Variants in SYNE1 observed in about 807,000 individuals in gnomAD.
SYNE1 encodes the protein spectrin repeat containing nuclear envelope protein 1.
In SYNE1, 616 loss-of-function variants were observed where a neutral mutation model predicts 1,111.0. That is an observed-to-expected ratio of 0.55 (90% CI 0.52 to 0.59). The LOEUF (loss-of-function observed/expected upper bound fraction) is 0.59, where lower values mean the gene tolerates loss of function less well. Ranked by LOEUF, SYNE1 falls within the 20% of genes least tolerant of loss-of-function variation. The pLI is 0.00. For missense variants in SYNE1, 10,006 were observed against 10,417.0 expected, an observed-to-expected ratio of 0.96 and a Z score of 1.72; for synonymous variants, 3,855 against 3,825.8, an observed-to-expected ratio of 1.01 and a Z score of -0.28.
rs1169273509 is a variant in SYNE1 at position 152,451,349 on chromosome 6, G to GTCTC, written c.3028-148_3028-145dup. On this transcript the variant is annotated intron_variant, in intron 25 of 145. Coordinates refer to ENST00000367255, the MANE Select transcript of SYNE1 (RefSeq NM_182961.4). ...AATGGGTCACTACTTTCCACACCTG[G>GTCTC]TCTCTCTACTTTGTATTTTTCCAAG... is the stretch of plus-strand genomic sequence containing the variant. 1.3e-5 allele frequency: 10 copies of GTCTC among 760,318 alleles called. No individual in the cohort carries two copies. The African/African-American group carries it at 1.6e-4, about 12-fold the overall frequency. 47.1% of individuals were successfully genotyped at this position (760,318 alleles called of 1,614,324 possible).
At chr6:152,451,311 T>C (rs2098647309) in intron 25 of SYNE1, 106 bp from the exon 26 acceptor site, 1 of 1,190,574 alleles carries the variant, frequency 8.4e-7, no homozygotes, top group African/African-American at 1.5e-5. Context: ...ATATTCCTTT[T>C]AGGGCCAGTG....
chr6:152,145,612 T>C (rs2059340600), intron 137 of SYNE1: 1 of 1,491,244 alleles, frequency 6.7e-7, no homozygotes, highest in Middle Eastern at 1.7e-4. Flanking sequence ...CTGAATCCCT[T>C]GTGCAGGAAA....
chr6:152,455,364 C>A, intron 24 of SYNE1, 62 bp downstream of exon 24: 2 of 1,556,476 alleles, frequency 1.3e-6, no homozygotes, highest in Non-Finnish European at 1.7e-6. Flanking sequence ...CTTTTTTAAG[C>A]TTTCCTCCAA....
chr6:152,570,198 C>T (rs76776697), intron 3 of SYNE1, among the ~76,000 whole-genome samples: 8,052 of 152,220 alleles, frequency 0.053, 280 homozygotes, highest in African/African-American at 0.099. Context: ...TTCTGTTGCT[C>T]CTATGTTCTT....
At chr6:152,243,823 A>T (rs1658433741) in intron 106 of SYNE1, among the ~76,000 whole-genome samples, 1 of 152,160 alleles carries the variant, frequency 6.6e-6, no homozygotes, top group African/African-American at 2.4e-5. Flanking sequence ...GTTGTACACA[A>T]TTTTTTCTTG....
In SYNE1 at chr6:152,284,121, A is replaced by ACTGGAGCTCATTGATTTCATC; in HGVS notation, c.18043_18063dup (p.Asp6015_Gln6021dup). On this transcript the variant is annotated inframe_insertion, in exon 96 of 146. Coordinates refer to ENST00000367255, the MANE Select transcript of SYNE1 (RefSeq NM_182961.4). ...GATACCAGCTCCTCTGCGAGAGAGG[A>ACTGGAGCTCATTGATTTCATC]CTGGAGCTCATTGATTTCATCCTGG... 1 of 1,614,162 alleles carries ACTGGAGCTCATTGATTTCATC rather than the reference A, an allele frequency of 6.2e-7. No homozygotes were observed. Among genetic ancestry groups the ACTGGAGCTCATTGATTTCATC allele is most frequent in the Non-Finnish European group, 8.5e-7 (1 of 1,180,024 alleles).
At chr6:152,254,802 C>T (rs2090420864) in intron 104 of SYNE1, 78 bp downstream of exon 104, 1 of 1,307,092 alleles carries the variant, frequency 7.7e-7, no homozygotes. Context: ...ACAACCAGGT[C>T]TGTAACACAG....
At chr6:152,606,945 C>T (rs955378404) in intron 3 of SYNE1, among the ~76,000 whole-genome samples, 8 of 148,696 alleles carry the variant, frequency 5.4e-5, no homozygotes, top group African/African-American at 7.5e-5. Flanking sequence ...TGAGCCACCG[C>T]GCCCGGCAAA....
At chr6:152,600,434 A>C (rs1043618413) in intron 3 of SYNE1, among the ~76,000 whole-genome samples, 5 of 152,218 alleles carry the variant, frequency 3.3e-5, no homozygotes, top group African/African-American at 9.6e-5. Flanking sequence ...TTAAAAAGCA[A>C]ACAGAAACCT....
At chr6:152,311,930 C>CCCG (rs1404329533) in intron 87 of SYNE1, among the ~76,000 whole-genome samples, 1 of 151,990 alleles carries the variant, frequency 6.6e-6, no homozygotes, top group African/African-American at 2.4e-5. Flanking sequence ...CACCCAGGTG[C>CCCG]CCGCCACCAC....
Position 152,214,940 on chromosome 6 carries a change from A to G in SYNE1, c.22312T>C (p.Ser7438Pro). ...TCTGTAGTCTGAGAGGAGATCAGAG[A>G]CCAATGGCGGTTCAGATTCTGCATT... ...KRMQNLNRHW[S>P]LISSQTTERF... The change falls in exon 122 of 146, where the codon TCT (serine) becomes CCT (proline). Residue 7438 changes from serine to proline, a missense_variant. By Grantham distance (74) the Ser-to-Pro change is moderately conservative (BLOSUM62 -1). Transcript: ENST00000367255. The G allele has an allele frequency of 6.2e-7, 1 of 1,614,152 alleles. No individual in the cohort carries two copies. Among genetic ancestry groups the G allele is most frequent in the South Asian group, 1.1e-5 (1 of 91,080 alleles).
chr6:152,213,670 A>G lies in SYNE1; in HGVS notation c.22436T>C (p.Leu7479Ser). The change falls in exon 123 of 146, where the codon TTA becomes TCA. Residue 7479 changes from leucine to serine, a missense_variant. Leu to Ser is a moderately radical substitution (Grantham distance 145, BLOSUM62 -2). Coordinates refer to ENST00000367255, the MANE Select transcript of SYNE1 (RefSeq NM_182961.4). Reference protein sequence around the residue: ...MEFLVQTEQKLAVEISGNYQH... With the variant: ...MEFLVQTEQKSAVEISGNYQH... ...ATAATTTCCTGAAATCTCTACTGCT[A>G]ACTTTTGTTCTGTCTGAACTAGGAA... The G allele has an allele frequency of 6.2e-7, 1 of 1,614,126 alleles. No individual in the cohort carries two copies. Among genetic ancestry groups the G allele is most frequent in the Non-Finnish European group, 8.5e-7 (1 of 1,180,000 alleles).
chr6:152,453,456 T>C, intron 25 of SYNE1, 130 bp downstream of exon 25: 1 of 1,417,000 alleles, frequency 7.1e-7, no homozygotes. Flanking sequence ...TTTTTTGAGT[T>C]TTTAAATGAG....
chr6:152,484,493 T>C (rs1405328918), intron 13 of SYNE1, among the ~76,000 whole-genome samples: 2 of 152,224 alleles, frequency 1.3e-5, no homozygotes, highest in Non-Finnish European at 2.9e-5. Context: ...CTGGAGAATC[T>C]GCTACAAGAC....
At chr6:152,355,163 C>G (rs951583967) in intron 66 of SYNE1, among the ~76,000 whole-genome samples, 187 bp from the exon 67 acceptor site, 2 of 152,114 alleles carry the variant, frequency 1.3e-5, no homozygotes, top group Non-Finnish European at 2.9e-5. Context: ...ATTCCTAAAA[C>G]TTTTTCAATT....
chr6:152,492,836 C>G (rs948624272), intron 11 of SYNE1, among the ~76,000 whole-genome samples: 2 of 152,178 alleles, frequency 1.3e-5, no homozygotes, highest in African/African-American at 4.8e-5. Flanking sequence ...GTTTACCTTG[C>G]CCCCATAACT....
At position 152,347,144 on chromosome 6, in the gene SYNE1, A is replaced by G. The variant is rs2096651792; in HGVS notation, c.11993T>C (p.Leu3998Pro). Residue 3998 changes from leucine to proline, a missense_variant, in exon 73 of 146, where the codon CTG (leucine) becomes CCG (proline). Transcript: ENST00000367255. ...CACGTTTTGTTTAAGTTTCGCTTGC[A>G]GGTGGTCTGCACATTGGCCAATCAA... ...DTLIGQCADH[L>P]QAKLKQNVHA... The G allele has an allele frequency of 6.2e-7, 1 of 1,614,162 alleles. No individual in the cohort carries two copies. The highest frequency in any genetic ancestry group is 1.6e-4 in the Middle Eastern group (1 of 6,062).
At position 152,358,492 on chromosome 6, in the gene SYNE1, A is replaced by G. The variant is rs2096877599; in HGVS notation, c.10489T>C (p.Tyr3497His). The G allele has an allele frequency of 1.2e-6, 2 of 1,613,850 alleles. No homozygotes were observed. The highest frequency in any genetic ancestry group is 1.7e-6 in the Non-Finnish European group (2 of 1,179,962). Residue 3497 changes from tyrosine (Y) to histidine (H), a missense_variant, in exon 66 of 146, where the codon TAT (tyrosine) becomes CAT (histidine). This residue lies in a region of SYNE1 where 4,955 missense variants were observed against 5,017.2 expected (regional missense o/e 0.99). Coordinates refer to ENST00000367255, the MANE Select transcript of SYNE1 (RefSeq NM_182961.4). ...SEKLVRLHQE[Y>H]QRDLKAFEVW... ...TCAAATGCCTTTAGGTCTCTCTGATACTCTTGGTGCAGGCGGACAAGTTTT... is the reference window on the plus strand; with the variant it reads ...TCAAATGCCTTTAGGTCTCTCTGATGCTCTTGGTGCAGGCGGACAAGTTTT...
At chr6:152,335,136 G>A (rs2096354367) in intron 76 of SYNE1, 1 of 152,304 alleles carries the variant, frequency 6.6e-6, no homozygotes, top group South Asian at 2.1e-4. Flanking sequence ...GTTGGTTCAT[G>A]GACTTCCATA....
Sources: gnomAD v4.1 joint callset for allele counts (sites outside exome capture counted in the v4.1 genomes callset) on GRCh38, gnomAD v4.1.1 for gene constraint, gnomAD v4.1.1 regional missense constraint, MANE v1.5 for transcripts, NCBI Gene and HGNC (gene_info 2026-07-23, HGNC 2026-07-21) for gene names.